Variants in HSPA4L observed in about 807,000 individuals in gnomAD.
The protein encoded by HSPA4L is heat shock 70 kDa protein 4L.
Under a neutral mutation model 100.3 loss-of-function variants are expected in HSPA4L, and 48 were observed. The observed-to-expected ratio is 0.48, with a 90% confidence interval of 0.38 to 0.61. The LOEUF (loss-of-function observed/expected upper bound fraction) is 0.61, where lower values mean the gene tolerates loss of function less well. Among genes scored for constraint, HSPA4L ranks in the 20% least tolerant of loss-of-function variants. HSPA4L has a pLI of 0.00. For missense variants in HSPA4L, 886 were observed against 988.6 expected (o/e 0.90, Z 1.39); for synonymous variants, 319 against 328.2 (o/e 0.97, Z 0.30).
chr4:127,809,085 G>T (rs1733453392), intron 11 of HSPA4L: 4 of 577,928 alleles, frequency 6.9e-6, no homozygotes, highest in Non-Finnish European at 1.2e-5. Flanking sequence ...ATTGGAAGGT[G>T]AGGCGGTCCC....
chr4:127,812,703 T>A (rs1234973155), intron 12 of HSPA4L: 8 of 873,164 alleles, frequency 9.2e-6, no homozygotes, highest in African/African-American at 7.1e-5. Flanking sequence ...CTTTATTTTT[T>A]TTTTTTTTTA....
At chr4:127,810,557 A>C (rs1486826073) in intron 11 of HSPA4L, among the ~76,000 whole-genome samples, 1 of 152,174 alleles carries the variant, frequency 6.6e-6, no homozygotes, top group Admixed American at 6.5e-5. Flanking sequence ...CAGGAGTTCA[A>C]GACCAGCCTG....
In HSPA4L at chr4:127,823,500, C is replaced by T. The variant is rs1456325592; in HGVS notation, c.1939-17C>T. 1 of 1,540,576 alleles carries T rather than the reference C, an allele frequency of 6.5e-7. No individual in the cohort carries two copies. The highest frequency in any genetic ancestry group is 1.4e-5 in the African/African-American group (1 of 73,430). On this transcript the variant is annotated splice_polypyrimidine_tract_variant and intron_variant, in intron 15 of 18. Coordinates refer to ENST00000296464, the MANE Select transcript of HSPA4L (RefSeq NM_014278.4). ...AGGAAAGTATTTTTAATTAGTGTCT[C>T]TCAAATATATTACTAGGACTTGAGT...
upstream of HSPA4L, chr4:127,782,072 T>A: frequency 2.2e-6 from 1 of 455,394 alleles, no homozygotes; most frequent in Non-Finnish European, 4.4e-6. Context: ...GTGCCTAGCC[T>A]CCTTTCCCCG....
intron 1 of HSPA4L, among the ~76,000 whole-genome samples, chr4:127,786,478 T>G (rs1403237500): frequency 6.6e-6 from 1 of 152,162 alleles, no homozygotes; most frequent in Non-Finnish European, 1.5e-5. Context: ...TCCTAAAAAT[T>G]TTTTTGACAC....
intron 17 of HSPA4L, among the ~76,000 whole-genome samples, chr4:127,829,555 G>C (rs1035743002): frequency 6.6e-6 from 1 of 152,028 alleles, no homozygotes; most frequent in Non-Finnish European, 1.5e-5. Flanking sequence ...AAGATTTCCT[G>C]ATAGATTTGA....
intron 1 of HSPA4L, chr4:127,783,737 T>C: frequency 7.0e-7 from 1 of 1,435,276 alleles, no homozygotes; most frequent in Non-Finnish European, 9.5e-7. Flanking sequence ...ATACCTTAAC[T>C]ATACTAAAAC....
In HSPA4L at chr4:127,801,928, C is replaced by A; in HGVS notation, c.663+10C>A. Reference sequence around the variant, plus strand: ...CAAAGGAAAACTTAAAGTAAGTAAACACATGGTTTGTTATATTTACATATG... The same window carrying A: ...CAAAGGAAAACTTAAAGTAAGTAAAAACATGGTTTGTTATATTTACATATG... On this transcript the variant is annotated intron_variant, in intron 6 of 18. Transcript: ENST00000296464. 1 of 1,586,826 alleles carries A rather than the reference C, an allele frequency of 6.3e-7. No homozygotes were observed. Among genetic ancestry groups the A allele is most frequent in the Admixed American group, 1.8e-5 (1 of 55,654 alleles).
Position 127,805,082 on chromosome 4 carries a change from G to A in HSPA4L, c.995G>A (p.Arg332His), listed in dbSNP as rs558328437. 30 of 1,594,078 alleles carry A rather than the reference G, an allele frequency of 1.9e-5. No homozygotes were observed. Among genetic ancestry groups the A allele is most frequent in the Admixed American group, 7.0e-5 (4 of 56,952 alleles). ...KAVMEQANLQ[R>H]EDISSIEIVG... ...TAAAAAAATTTTCCAGACTTACAAC[G>A]TGAAGACATTAGTAGTATAGAAATT... The change falls in exon 9 of 19, where the codon CGT becomes CAT. Residue 332 changes from arginine to histidine, a missense_variant. Transcript: ENST00000296464.
intron 3 of HSPA4L, among the ~76,000 whole-genome samples, chr4:127,796,508 T>G (rs1733025904): frequency 6.6e-6 from 1 of 152,140 alleles, no homozygotes; most frequent in African/African-American, 2.4e-5. Context: ...ACATAAAAAC[T>G]TGTACATGAA....
chr4:127,805,702 C>A lies in HSPA4L; in HGVS notation c.1153C>A (p.Pro385Thr), dbSNP rs1464085705. The stretch of plus-strand genomic sequence containing the variant: ...TTATTTTCAGTGTGCGATTCTCTCA[C>A]CAGCATTTAAAGTGCGTGAATTTTC... ...GCALQCAILS[P>T]AFKVREFSIT... is the part of the protein sequence containing the mutation. Residue 385 changes from proline (P) to threonine (T), a missense_variant, in exon 10 of 19, where the codon CCA (proline) becomes ACA (threonine). Physicochemically the swap from Pro to Thr is conservative, Grantham distance 38. Coordinates refer to ENST00000296464, the MANE Select transcript of HSPA4L (RefSeq NM_014278.4). 6.2e-7 allele frequency: 1 copy of A among 1,611,312 alleles called. No homozygotes were observed. The highest frequency in any genetic ancestry group is 8.5e-7 in the Non-Finnish European group (1 of 1,178,148).
chr4:127,794,454 A>C (rs9992298), intron 2 of HSPA4L, among the ~76,000 whole-genome samples: 5,381 of 152,154 alleles, frequency 0.035, 323 homozygotes, highest in African/African-American at 0.12. Context: ...TAGAACATAC[A>C]TTTCAATGAT....
rs33966471 is a variant in HSPA4L, at chr4:127,801,458, C to CGTGTGTGT, written c.529+258_529+265dup. On this transcript the variant is annotated intron_variant, in intron 5 of 18. Coordinates refer to ENST00000296464, the MANE Select transcript of HSPA4L (RefSeq NM_014278.4). The stretch of plus-strand genomic sequence containing the variant: ...AAAAAATTTGATATATATAAAAATA[C>CGTGTGTGT]GTGTGTGTGTGTGTGTGTGTGTGTG... Among the ~76,000 whole-genome samples, 196 of 144,846 alleles carry CGTGTGTGT rather than the reference C, an allele frequency of 1.4e-3. 1 individual carries two copies. The highest frequency in any genetic ancestry group is 4.7e-3 in the African/African-American group (181 of 38,526).
At chr4:127,828,024 A>T (rs1259046725) in intron 17 of HSPA4L, among the ~76,000 whole-genome samples, 1 of 152,082 alleles carries the variant, frequency 6.6e-6, no homozygotes, top group Admixed American at 6.5e-5. Flanking sequence ...CCTCTAAATC[A>T]GTAGTTATCA....
At chr4:127,804,196 A>G (rs1733281231) in intron 8 of HSPA4L, 109 bp downstream of exon 8, 1 of 798,332 alleles carries the variant, frequency 1.3e-6, no homozygotes. Flanking sequence ...AAAAAGATTT[A>G]TATTTCTCAT....
chr4:127,823,945 ATC>A (rs944417582), intron 16 of HSPA4L, among the ~76,000 whole-genome samples: 9 of 152,316 alleles, frequency 5.9e-5, no homozygotes, highest in Non-Finnish European at 1.2e-4. Flanking sequence ...TGTACAATAG[ATC>A]TCTTGGACTT....
At chr4:127,817,588 A>C (rs186257891) in intron 12 of HSPA4L, among the ~76,000 whole-genome samples, 1 of 152,096 alleles carries the variant, frequency 6.6e-6, no homozygotes, top group African/African-American at 2.4e-5. Flanking sequence ...TATTGGTAGA[A>C]AGTTTGGTTT....
intron 12 of HSPA4L, among the ~76,000 whole-genome samples, chr4:127,815,694 T>C (rs1432468154): frequency 6.6e-6 from 1 of 152,196 alleles, no homozygotes; most frequent in African/African-American, 2.4e-5. Context: ...TTCTATGCAC[T>C]AGGGATACAG....
intron 14 of HSPA4L, 73 bp downstream of exon 14, chr4:127,820,638 T>C: frequency 6.9e-7 from 1 of 1,454,036 alleles, no homozygotes; most frequent in South Asian, 1.2e-5. Flanking sequence ...AATGATTATC[T>C]CCAAAATTTA....
Sources: gnomAD v4.1 joint callset for allele counts (sites outside exome capture counted in the v4.1 genomes callset) on GRCh38, gnomAD v4.1.1 for gene constraint, MANE v1.5 for transcripts, NCBI Gene and HGNC (gene_info 2026-07-23, HGNC 2026-07-21) for gene names.